Variants in SCUBE1 observed in about 807,000 individuals in gnomAD.
SCUBE1 encodes the protein signal peptide, CUB domain and EGF like domain containing 1.
Under a neutral mutation model 124.4 loss-of-function variants are expected in SCUBE1, and 59 were observed. The ratio of observed to expected loss-of-function variants is 0.47; its 90% CI spans 0.38 to 0.59. The LOEUF is 0.59. Ranked by LOEUF, SCUBE1 falls within the 20% of genes least tolerant of loss-of-function variation. The pLI is 0.00. For missense variants in SCUBE1, 1,150 were observed against 1,371.2 expected (o/e 0.84, Z 2.55); for synonymous variants, 545 against 550.9 (o/e 0.99, Z 0.15).
intron 8 of SCUBE1, among the ~76,000 whole-genome samples, chr22:43,230,743 G>T (rs1435424213): frequency 6.6e-6 from 1 of 152,186 alleles, no homozygotes; most frequent in Non-Finnish European, 1.5e-5. Flanking sequence ...GCAGCGGCTG[G>T]CCTGGGGCAC....
At chr22:43,284,755 A>G (rs570948762) in intron 4 of SCUBE1, among the ~76,000 whole-genome samples, 101 of 149,306 alleles carry the variant, frequency 6.8e-4, no homozygotes, top group Middle Eastern at 3.5e-3. Flanking sequence ...TGCAATCATC[A>G]TCGTCATCGT....
At chr22:43,264,629 G>A (rs8139386) in intron 4 of SCUBE1, among the ~76,000 whole-genome samples, 14,133 of 152,256 alleles carry the variant, frequency 0.093, 2,166 homozygotes, top group African/African-American at 0.32. Flanking sequence ...AGCTGTTGTC[G>A]GCGGTGGGCT....
chr22:43,204,304 ATTTG>A (rs1042191832), intron 21 of SCUBE1, among the ~76,000 whole-genome samples, 155 bp from the exon 22 acceptor site: 13 of 151,712 alleles, frequency 8.6e-5, no homozygotes, highest in South Asian at 2.1e-4. Flanking sequence ...ACTGGTTTTT[ATTTG>A]TTTATTTTTT....
At chr22:43,317,907 A>G (rs1783518689) in intron 3 of SCUBE1, among the ~76,000 whole-genome samples, 1 of 152,214 alleles carries the variant, frequency 6.6e-6, no homozygotes, top group Non-Finnish European at 1.5e-5. Context: ...AAATTTGGAC[A>G]CAGAGCCAGA....
At chr22:43,283,548 C>G (rs1016211173) in intron 4 of SCUBE1, 1 of 152,222 alleles carries the variant, frequency 6.6e-6, no homozygotes, top group African/African-American at 2.4e-5. Flanking sequence ...ATAGTATCTC[C>G]TTTCATTCTC....
intron 2 of SCUBE1, among the ~76,000 whole-genome samples, chr22:43,329,702 C>T (rs115043411): frequency 0.012 from 1,854 of 152,320 alleles, 35 homozygotes; most frequent in African/African-American, 0.043. Flanking sequence ...GAGGCTGCAG[C>T]CCTGGCCCAT....
chr22:43,322,662 A>G (rs933133986), intron 2 of SCUBE1, among the ~76,000 whole-genome samples: 8 of 151,996 alleles, frequency 5.3e-5, no homozygotes, highest in Non-Finnish European at 1.2e-4. Context: ...TCCTCCTTCA[A>G]GCAGGTGATT....
intron 4 of SCUBE1, among the ~76,000 whole-genome samples, chr22:43,284,792 T>C (rs1925071654): frequency 6.6e-6 from 1 of 152,160 alleles, no homozygotes; most frequent in African/African-American, 2.4e-5. Flanking sequence ...ATCATCATCA[T>C]CACATTACAC....
At chr22:43,304,398 A>G (rs1006111470) in intron 3 of SCUBE1, among the ~76,000 whole-genome samples, 7 of 152,186 alleles carry the variant, frequency 4.6e-5, no homozygotes, top group Non-Finnish European at 8.8e-5. Flanking sequence ...CATTCTAGGA[A>G]AGAGAGGTGG....
intron 3 of SCUBE1, among the ~76,000 whole-genome samples, chr22:43,301,302 C>CAGGGA (rs1925762979): frequency 6.6e-6 from 1 of 152,118 alleles, no homozygotes; most frequent in Non-Finnish European, 1.5e-5. Context: ...CTCATGCCAT[C>CAGGGA]CCCCTGCCTG....
At chr22:43,341,102 T>TGCACGTGTGCGCACACACACACACACAC (rs1569038991) in intron 1 of SCUBE1, among the ~76,000 whole-genome samples, 10 of 148,526 alleles carry the variant, frequency 6.7e-5, no homozygotes, top group Non-Finnish European at 1.2e-4. Flanking sequence ...CACACACACA[T>TGCACGTGTGCGCACACACACACACACAC]GCATGCACGT....
At chr22:43,273,159 C>T (rs944900928) in intron 4 of SCUBE1, among the ~76,000 whole-genome samples, 5 of 152,208 alleles carry the variant, frequency 3.3e-5, no homozygotes, top group African/African-American at 9.7e-5. Flanking sequence ...AGTTTGAGAC[C>T]CAGTCACTGC....
intron 6 of SCUBE1, among the ~76,000 whole-genome samples, chr22:43,242,142 C>T (rs1363500230): frequency 4.6e-5 from 7 of 152,224 alleles, no homozygotes; most frequent in African/African-American, 1.7e-4. Context: ...GGGCTGGGGA[C>T]TGAAGTCTAC....
At chr22:43,219,733 C>G (rs1259946376) in intron 14 of SCUBE1, among the ~76,000 whole-genome samples, 1 of 152,178 alleles carries the variant, frequency 6.6e-6, no homozygotes, top group Non-Finnish European at 1.5e-5. Context: ...TTTGGCCCTC[C>G]CAGACTGCTG....
intron 13 of SCUBE1, 34 bp from the exon 14 acceptor site, chr22:43,220,621 G>A (rs182491094): frequency 2.9e-5 from 47 of 1,607,024 alleles, no homozygotes; most frequent in Non-Finnish European, 8.5e-7. Flanking sequence ...GGCAAAGGCG[G>A]CATGGGGCAG....
chr22:43,281,512 TCAGCCACCCTCC>T (rs1924879679), intron 4 of SCUBE1, among the ~76,000 whole-genome samples: 1 of 80,266 alleles, frequency 1.2e-5, no homozygotes, highest in Admixed American at 1.5e-4. Context: ...CACCTCCTCC[TCAGCCACCCTCC>T]TGTCACCTCC....
At chr22:43,318,949 G>A (rs945220118) in intron 3 of SCUBE1, among the ~76,000 whole-genome samples, 1 of 151,982 alleles carries the variant, frequency 6.6e-6, no homozygotes, top group Admixed American at 6.6e-5. Flanking sequence ...CTTGAACTTC[G>A]GACCTCAGGT....
At position 43,231,745 on chromosome 22, in the gene SCUBE1, G is replaced by A. The variant is rs530669224; in HGVS notation, c.967+8C>T. On this transcript the variant is annotated splice_region_variant and intron_variant, in intron 8 of 21. Coordinates refer to ENST00000360835, the MANE Select transcript of SCUBE1 (RefSeq NM_173050.5). ...CCGAGAGCCACCCGGGGCATGGCAG[G>A]GGCTCACCCTGGCAGGTGCGCTCGT... 50 of 1,573,938 alleles carry A rather than the reference G, an allele frequency of 3.2e-5. No homozygotes were observed. The highest frequency in any genetic ancestry group is 4.0e-5 in the African/African-American group (3 of 74,076).
intron 3 of SCUBE1, among the ~76,000 whole-genome samples, chr22:43,315,677 A>G (rs889110524): frequency 1.9e-4 from 26 of 134,650 alleles, no homozygotes; most frequent in African/African-American, 7.0e-4. Flanking sequence ...AGCAACAGAG[A>G]GAGCCTTTTC....
Sources: allele counts gnomAD v4.1 joint callset (sites outside exome capture counted in the v4.1 genomes callset), GRCh38; gene constraint gnomAD v4.1.1; transcripts MANE v1.5; gene names NCBI Gene and HGNC (gene_info 2026-07-23, HGNC 2026-07-21).